DLGAP2: variants seen among roughly 807,000 people sequenced by gnomAD.
DLGAP2 encodes the protein DLG associated protein 2, also known as disks large-associated protein 2.
In DLGAP2, 26 loss-of-function variants were observed where a neutral mutation model predicts 100.3. That is an observed-to-expected ratio of 0.26 (90% CI 0.19 to 0.36). DLGAP2 has a LOEUF of 0.36. DLGAP2 is among the 10% of genes least tolerant of loss of function. The probability of loss-of-function intolerance (pLI) is 1.00; values close to 1 mark genes in which losing one functional copy is unlikely to be tolerated. For missense variants in DLGAP2, 1,858 were observed against 1,453.2 expected (o/e 1.28, Z -4.53); for synonymous variants, 886 against 630.1 (o/e 1.41, Z -6.08).
intron 3 of DLGAP2, among the ~76,000 whole-genome samples, chr8:1,345,445 A>G (rs939210478): frequency 1.3e-5 from 2 of 152,262 alleles, no homozygotes; most frequent in African/African-American, 4.8e-5. Context: ...CGTCTATGAC[A>G]AAATAAACAA....
At chr8:1,445,322 G>C (rs1182917811) in intron 3 of DLGAP2, among the ~76,000 whole-genome samples, 1 of 141,664 alleles carries the variant, frequency 7.1e-6, no homozygotes, top group Non-Finnish European at 1.5e-5. Context: ...TCCCACCTAT[G>C]AGTGAGAACA....
chr8:1,582,751 G>T (rs1390318915), intron 6 of DLGAP2, among the ~76,000 whole-genome samples: 1 of 152,056 alleles, frequency 6.6e-6, no homozygotes, highest in Non-Finnish European at 1.5e-5. Flanking sequence ...CACCACACCC[G>T]ACTAATTTTT....
At chr8:897,259 G>A (rs1377395394) in intron 1 of DLGAP2, among the ~76,000 whole-genome samples, 1 of 152,188 alleles carries the variant, frequency 6.6e-6, no homozygotes, top group Non-Finnish European at 1.5e-5. Flanking sequence ...GCCAGGCCAT[G>A]TTGAGGCTCC....
intron 5 of DLGAP2, among the ~76,000 whole-genome samples, chr8:1,559,606 G>T (rs1008699111): frequency 1.3e-5 from 2 of 152,146 alleles, no homozygotes; most frequent in African/African-American, 2.4e-5. Flanking sequence ...TTAATTTGCA[G>T]GCTGCTGAAG....
chr8:1,333,263 T>G (rs1281585685), intron 3 of DLGAP2, among the ~76,000 whole-genome samples: 5 of 152,054 alleles, frequency 3.3e-5, no homozygotes, highest in Non-Finnish European at 7.4e-5. Context: ...GAGCCCATGG[T>G]AGGCCATGCA....
intron 4 of DLGAP2, among the ~76,000 whole-genome samples, chr8:1,530,810 A>T (rs1332117484): frequency 6.6e-6 from 1 of 152,232 alleles, no homozygotes; most frequent in African/African-American, 2.4e-5. Context: ...TGTGGTGATT[A>T]TAACAATTCC....
chr8:1,204,697 T>A (rs1797952761), intron 2 of DLGAP2, among the ~76,000 whole-genome samples: 1 of 152,032 alleles, frequency 6.6e-6, no homozygotes, highest in Non-Finnish European at 1.5e-5. Context: ...ATCCTTGACA[T>A]CTGCCTGGAA....
chr8:1,000,098 C>A (rs371986366), intron 2 of DLGAP2, among the ~76,000 whole-genome samples: 8 of 144,868 alleles, frequency 5.5e-5, no homozygotes, highest in Non-Finnish European at 1.2e-4. Context: ...TTCTTTTGCA[C>A]TGGATTTTCT....
chr8:768,866 T>C (rs1821284177), intron 1 of DLGAP2, among the ~76,000 whole-genome samples: 1 of 152,206 alleles, frequency 6.6e-6, no homozygotes, highest in Non-Finnish European at 1.5e-5. Flanking sequence ...CATCATTTCA[T>C]GTGTCTGGGG....
At chr8:1,654,186 T>C (rs987304128) in intron 8 of DLGAP2, among the ~76,000 whole-genome samples, 3 of 152,218 alleles carry the variant, frequency 2.0e-5, no homozygotes, top group Admixed American at 6.5e-5. Flanking sequence ...TGTACGCACA[T>C]GCACATATGG....
At chr8:1,342,437 C>G (rs1176269301) in intron 3 of DLGAP2, among the ~76,000 whole-genome samples, 2 of 152,190 alleles carry the variant, frequency 1.3e-5, no homozygotes, top group Non-Finnish European at 2.9e-5. Context: ...TGTTGACCCA[C>G]TCTGTTGTTA....
chr8:1,288,185 G>T (rs1366186118), intron 3 of DLGAP2, among the ~76,000 whole-genome samples: 3 of 74,678 alleles, frequency 4.0e-5, no homozygotes, highest in East Asian at 4.5e-4. Context: ...AACTAGTTTC[G>T]GTTGAGTGTG....
chr8:1,278,341 A>G (rs1322208697), intron 3 of DLGAP2, among the ~76,000 whole-genome samples: 4 of 152,222 alleles, frequency 2.6e-5, no homozygotes, highest in Non-Finnish European at 5.9e-5. Context: ...AAAGAGCCTC[A>G]GCTCTCTGGG....
At chr8:927,031 C>A in intron 2 of DLGAP2, 7 of 985,376 alleles carry the variant, frequency 7.1e-6, no homozygotes, top group Non-Finnish European at 8.4e-6. Flanking sequence ...GAGCTCAGAG[C>A]CGGGGACTGG....
intron 2 of DLGAP2, among the ~76,000 whole-genome samples, chr8:965,450 G>C (rs868194442): frequency 8.2e-5 from 6 of 73,404 alleles, no homozygotes; most frequent in Non-Finnish European, 1.3e-4. Context: ...TCACCACACA[G>C]GGCTCCTGAG....
chr8:1,031,971 C>T (rs375431926), intron 2 of DLGAP2, among the ~76,000 whole-genome samples: 4 of 152,168 alleles, frequency 2.6e-5, no homozygotes, highest in Admixed American at 6.5e-5. Flanking sequence ...TGCATTCTAG[C>T]GAATCCCCAG....
At chr8:798,769 T>G (rs374453168) in intron 1 of DLGAP2, among the ~76,000 whole-genome samples, 1 of 139,516 alleles carries the variant, frequency 7.2e-6, no homozygotes, top group Non-Finnish European at 1.5e-5. Flanking sequence ...GCTTGTTGAG[T>G]CAGGACCTGC....
intron 3 of DLGAP2, among the ~76,000 whole-genome samples, chr8:1,407,134 C>T (rs1204528679): frequency 6.2e-5 from 2 of 32,426 alleles, no homozygotes; most frequent in Admixed American, 6.1e-4. Flanking sequence ...GCTTACTGAG[C>T]GCCACCTCCT....
chr8:1,070,718 C>A (rs1234433756), intron 2 of DLGAP2, among the ~76,000 whole-genome samples: 1 of 152,154 alleles, frequency 6.6e-6, no homozygotes, highest in African/African-American at 2.4e-5. Context: ...GGAAAGTTAG[C>A]CTTCAAAACT....
Sources: gnomAD v4.1 joint callset for allele counts (sites outside exome capture counted in the v4.1 genomes callset) on GRCh38, gnomAD v4.1.1 for gene constraint, MANE v1.5 for transcripts, NCBI Gene and HGNC (gene_info 2026-07-23, HGNC 2026-07-21) for gene names.